The following HACE1 variants were observed in gnomAD, a reference collection of about 807,000 sequenced individuals.
HACE1 encodes HECT domain and ankyrin repeat containing E3 ubiquitin protein ligase 1.
HACE1 carries 73 observed loss-of-function variants against 118.4 expected under a neutral mutation model. That is an observed-to-expected ratio of 0.62 (90% CI 0.51 to 0.75). HACE1 has a LOEUF of 0.75. Ranked by LOEUF, HACE1 falls within the 30% of genes least tolerant of loss-of-function variation. HACE1 has a pLI of 0.00. For synonymous variants in HACE1, 368 were observed against 374.8 expected (o/e 0.98, Z 0.21); for missense variants, 749 against 1,102.2 (o/e 0.68, Z 4.54).
chr6:104,752,844 T>C (rs1208289313), intron 19 of HACE1, among the ~76,000 whole-genome samples: 1 of 152,206 alleles, frequency 6.6e-6, no homozygotes, highest in East Asian at 1.9e-4. Context: ...CAGTTCATAG[T>C]TATTGATACC....
intron 19 of HACE1, among the ~76,000 whole-genome samples, chr6:104,768,485 G>A (rs753370387): frequency 6.6e-6 from 1 of 152,058 alleles, no homozygotes; most frequent in Non-Finnish European, 1.5e-5. Context: ...GGTAAAATGT[G>A]ATGTGTTTCT....
At chr6:104,729,895 C>A in intron 23 of HACE1, 131 bp from the exon 24 acceptor site, 1 of 671,286 alleles carries the variant, frequency 1.5e-6, no homozygotes, top group Non-Finnish European at 2.7e-6. Flanking sequence ...GATTGAAAAA[C>A]CCTAAAGTGG....
At chr6:104,840,551 C>T (rs77396099) in intron 5 of HACE1, among the ~76,000 whole-genome samples, 1 of 151,938 alleles carries the variant, frequency 6.6e-6, no homozygotes, top group African/African-American at 2.4e-5. Context: ...GAGAGAGGCC[C>T]GTCGCGGTGG....
intron 7 of HACE1, among the ~76,000 whole-genome samples, chr6:104,810,304 G>T (rs181371899): frequency 4.4e-4 from 67 of 152,048 alleles, no homozygotes; most frequent in Admixed American, 8.5e-4. Context: ...TTGTTAAATA[G>T]ATGATCTGAA....
intron 1 of HACE1, among the ~76,000 whole-genome samples, chr6:104,852,971 A>G (rs1776389910): frequency 6.6e-6 from 1 of 152,170 alleles, no homozygotes. Context: ...CTTTACTCAC[A>G]ACATTTTTAT....
rs559796144 is a variant in HACE1 at position 104,813,453 on chromosome 6, T to G, written c.535-2060A>C. Among the ~76,000 whole-genome samples the G allele has an allele frequency of 1.2e-4, 16 of 138,742 alleles. 2 individuals are homozygous for G. The South Asian group carries it at 3.6e-3, about 31-fold the overall frequency. 91.0% of individuals were successfully genotyped at this position (138,742 alleles called of 152,430 possible). A position where few individuals can be genotyped will look rare whatever the true frequency, so the allele number is the denominator to read the frequency against. Reference sequence around the variant, plus strand: ...AGCCCAATTCGGGACAATGGGTCTATAGCAGTCATCCCCAACCAAGGTTAA... The same window carrying G: ...AGCCCAATTCGGGACAATGGGTCTAGAGCAGTCATCCCCAACCAAGGTTAA... On this transcript the variant is annotated intron_variant, in intron 6 of 23. Transcript: ENST00000262903.
chr6:104,793,266 C>CAA (rs397887197), intron 10 of HACE1, among the ~76,000 whole-genome samples: 1,322 of 92,724 alleles, frequency 0.014, 30 homozygotes, highest in African/African-American at 0.042. Flanking sequence ...GACTACATCT[C>CAA]AAAAAAAAAA....
At chr6:104,773,628 T>C (rs989720791) in intron 17 of HACE1, among the ~76,000 whole-genome samples, 2 of 152,312 alleles carry the variant, frequency 1.3e-5, no homozygotes, top group East Asian at 1.9e-4. Flanking sequence ...TTTTACCTGT[T>C]AAAATAATGA....
rs1355258847 is a variant in HACE1 at position 104,785,024 on chromosome 6, T to C, written c.1370A>G (p.Gln457Arg). 2.5e-6 allele frequency: 4 copies of C among 1,613,742 alleles called. No homozygotes were observed. The highest frequency in any genetic ancestry group is 3.4e-6 in the Non-Finnish European group (4 of 1,179,854). Residue 457 changes from glutamine to arginine, a missense_variant, in exon 12 of 24, where the codon CAA becomes CGA. Physicochemically the swap from Gln to Arg is conservative, Grantham distance 43. Around this residue, in one of 5 missense-constraint regions of HACE1, gnomAD observed 195 missense variants for 322.1 expected, o/e 0.61. Coordinates refer to ENST00000262903, the MANE Select transcript of HACE1 (RefSeq NM_020771.4). ...ACAAGAACAGCACATGTAAAAAGCT[T>C]GAATGACAGCACTTAGCCGGTTAGC... The part of the protein sequence containing the change: ...MTANRLSAVI[Q>R]AFYMCCSCQM...
rs377138485 is a variant in HACE1, at chr6:104,795,568, G to A, written c.923+11C>T. 23 of 1,504,192 alleles carry A rather than the reference G, an allele frequency of 1.5e-5. No homozygotes were observed. The highest frequency in any genetic ancestry group is 1.4e-4 in the South Asian group (12 of 88,842). The allele number at this position is 1,504,192 out of a possible 1,614,324, so 93.2% of individuals were successfully genotyped here. A position where few individuals can be genotyped will look rare whatever the true frequency, so the allele number is the denominator to read the frequency against. On this transcript the variant is annotated intron_variant, in intron 10 of 23. Coordinates refer to ENST00000262903, the MANE Select transcript of HACE1 (RefSeq NM_020771.4). ...CTACCTATTGATTTCCTCTTATTGC[G>A]AAACACTTACCTAAGCAGTTTATGA...
intron 10 of HACE1, among the ~76,000 whole-genome samples, chr6:104,794,641 C>T (rs1203662250): frequency 2.0e-5 from 3 of 152,220 alleles, no homozygotes; most frequent in South Asian, 2.1e-4. Flanking sequence ...CATTGGCGCA[C>T]GCCTGTAATC....
At chr6:104,788,674 C>CA (rs1782689699) in intron 11 of HACE1, among the ~76,000 whole-genome samples, 2 of 151,892 alleles carry the variant, frequency 1.3e-5, no homozygotes, top group South Asian at 4.1e-4. Context: ...TTACTATTCA[C>CA]AAAAAAAGAA....
chr6:104,744,009 AAAAT>A (rs1326300478), intron 22 of HACE1, 147 bp downstream of exon 22: 4 of 624,054 alleles, frequency 6.4e-6, no homozygotes, highest in Non-Finnish European at 1.1e-5. Flanking sequence ...CTTTAATACC[AAAAT>A]AAATCTTTCT....
chr6:104,805,106 G>C (rs1347221964), intron 7 of HACE1, among the ~76,000 whole-genome samples: 1 of 152,162 alleles, frequency 6.6e-6, no homozygotes, highest in Non-Finnish European at 1.5e-5. Context: ...ATGAAAAAAT[G>C]CTCATCGTCA....
intron 14 of HACE1, among the ~76,000 whole-genome samples, chr6:104,780,173 A>T (rs1781580627): frequency 6.6e-6 from 1 of 152,198 alleles, no homozygotes. Context: ...AAACTATATC[A>T]TTTATCTATG....
At chr6:104,833,014 A>T (rs1774161347) in intron 6 of HACE1, 28 bp downstream of exon 6, 1 of 1,600,682 alleles carries the variant, frequency 6.2e-7, no homozygotes, top group Non-Finnish European at 8.6e-7. Flanking sequence ...AAACACATGC[A>T]GCTTAAAGTC....
chr6:104,858,709 A>G (rs1776997543), intron 1 of HACE1, among the ~76,000 whole-genome samples: 2 of 152,188 alleles, frequency 1.3e-5, no homozygotes, highest in Admixed American at 1.3e-4. Context: ...ACCAGCTACA[A>G]CCTCCTCCCA....
At chr6:104,744,345 C>A in intron 21 of HACE1, 115 bp from the exon 22 acceptor site, 1 of 858,248 alleles carries the variant, frequency 1.2e-6, no homozygotes. Context: ...ACTCGTTTAC[C>A]AAAAATGATT....
At chr6:104,849,304 A>G (rs1775951436) in intron 3 of HACE1, 58 bp from the exon 4 acceptor site, 1 of 1,018,210 alleles carries the variant, frequency 9.8e-7, no homozygotes, top group Non-Finnish European at 1.6e-6. Flanking sequence ...TACTTGATGT[A>G]GTTCAATTAA....
Sources: allele counts gnomAD v4.1 joint callset (sites outside exome capture counted in the v4.1 genomes callset), GRCh38; gene constraint gnomAD v4.1.1; regional missense constraint gnomAD v4.1.1; transcripts MANE v1.5; gene names NCBI Gene and HGNC (gene_info 2026-07-23, HGNC 2026-07-21).